HSPG2: variants seen among roughly 807,000 people sequenced by gnomAD.
The protein encoded by HSPG2 is basement membrane-specific heparan sulfate proteoglycan core protein.
In HSPG2, 278 loss-of-function variants were observed where a neutral mutation model predicts 526.6. The ratio of observed to expected loss-of-function variants is 0.53; its 90% CI spans 0.48 to 0.58. The LOEUF (loss-of-function observed/expected upper bound fraction) is 0.58, where lower values mean the gene tolerates loss of function less well. Ranked by LOEUF, HSPG2 falls within the 20% of genes least tolerant of loss-of-function variation. The pLI is 0.00. For synonymous variants in HSPG2, 2,465 were observed against 2,555.4 expected (o/e 0.96, Z 1.07); for missense variants, 5,354 against 6,099.5 (o/e 0.88, Z 4.07).
Position 21,856,064 on chromosome 1 carries a change from A to C in HSPG2, c.5576-152T>G, listed in dbSNP as rs575185864. ...CAGAGGGAGCTTGGGAAATGTCAACAGGACCTTGTGACCTCCCACCTTGAG... is the reference window on the plus strand; with the variant it reads ...CAGAGGGAGCTTGGGAAATGTCAACCGGACCTTGTGACCTCCCACCTTGAG... On this transcript the variant is annotated intron_variant, in intron 44 of 96. Coordinates refer to ENST00000374695, the MANE Select transcript of HSPG2 (RefSeq NM_005529.7). 6.4e-6 allele frequency: 7 copies of C among 1,099,226 alleles called. No homozygotes were observed. The East Asian group carries it at 1.8e-4, about 28-fold the overall frequency. 68.1% of individuals were successfully genotyped at this position (1,099,226 alleles called of 1,614,324 possible).
intron 3 of HSPG2, among the ~76,000 whole-genome samples, chr1:21,891,735 T>A (rs539121559): frequency 6.6e-6 from 1 of 152,234 alleles, no homozygotes; most frequent in Admixed American, 6.5e-5. Flanking sequence ...TGCAGCCTCC[T>A]GAGTAGCTGG....
Position 21,848,844 on chromosome 1 carries a change from T to C in HSPG2, c.7585+49A>G. ...GGTGTGGGAGCTGCTGAGGGTGCAG[T>C]CGGGGTCCCCCAGCCCTCCACCATT... On this transcript the variant is annotated intron_variant, in intron 58 of 96. Transcript: ENST00000374695. The surrounding 1 kb of genome is among the most constrained non-coding windows in gnomAD (Gnocchi z 4.9). The C allele has an allele frequency of 6.2e-7, 1 of 1,612,778 alleles. No homozygotes were observed. Among genetic ancestry groups the C allele is most frequent in the South Asian group, 1.1e-5 (1 of 91,044 alleles).
chr1:21,880,965 G>T, intron 14 of HSPG2, 130 bp from the exon 15 acceptor site: 1 of 987,642 alleles, frequency 1.0e-6, no homozygotes, highest in South Asian at 1.4e-5. Flanking sequence ...GCCAGGCACT[G>T]AGCTAGGCAC....
intron 1 of HSPG2, among the ~76,000 whole-genome samples, chr1:21,925,467 A>G (rs1191423802): frequency 2.6e-5 from 4 of 152,078 alleles, no homozygotes; most frequent in Non-Finnish European, 5.9e-5. Flanking sequence ...AACTCACTGA[A>G]CTCCCAACAG....
At chr1:21,884,299 G>A (rs896801939) in intron 13 of HSPG2, among the ~76,000 whole-genome samples, 4 of 152,156 alleles carry the variant, frequency 2.6e-5, no homozygotes, top group African/African-American at 7.2e-5. Context: ...TCCAGGGCCC[G>A]TCCTCGCCGT....
At chr1:21,844,039 C>G in intron 65 of HSPG2, 109 bp downstream of exon 65, 2 of 1,447,534 alleles carry the variant, frequency 1.4e-6, no homozygotes, top group Non-Finnish European at 1.9e-6. Context: ...CCTCCTGCTG[C>G]CATTTCCCAC....
intron 62 of HSPG2, 122 bp from the exon 63 acceptor site, chr1:21,846,721 C>T (rs200331041): frequency 9.6e-6 from 11 of 1,142,730 alleles, no homozygotes; most frequent in African/African-American, 6.1e-5. Flanking sequence ...AACACTTGGC[C>T]GGGCATGGTG....
intron 87 of HSPG2, 43 bp from the exon 88 acceptor site, chr1:21,829,122 G>A (rs992005460): frequency 2.4e-5 from 37 of 1,522,432 alleles, no homozygotes; most frequent in Non-Finnish European, 2.8e-5. Context: ...GGGGGCACAC[G>A]GGGCTCCCTG....
intron 64 of HSPG2, 63 bp downstream of exon 64, chr1:21,846,045 C>T: frequency 6.3e-7 from 1 of 1,580,118 alleles, no homozygotes; most frequent in Non-Finnish European, 8.7e-7. Context: ...GCCAGTTCTG[C>T]CCCCTGGTCT....
At chr1:21,920,757 T>C (rs965865688) in intron 1 of HSPG2, among the ~76,000 whole-genome samples, 1 of 152,144 alleles carries the variant, frequency 6.6e-6, no homozygotes, top group African/African-American at 2.4e-5. Flanking sequence ...AATAAAACAG[T>C]TCTCCCTCCT....
At chr1:21,923,463 C>T (rs1644101365) in intron 1 of HSPG2, among the ~76,000 whole-genome samples, 1 of 152,160 alleles carries the variant, frequency 6.6e-6, no homozygotes, top group South Asian at 2.1e-4. Context: ...CGCTATTTTG[C>T]ACATCCATGA....
intron 3 of HSPG2, among the ~76,000 whole-genome samples, chr1:21,894,646 G>C (rs748840414): frequency 6.0e-4 from 91 of 152,270 alleles, no homozygotes; most frequent in Non-Finnish European, 1.2e-3. Context: ...AGGTGGGCTG[G>C]CCAGGACTGC....
At chr1:21,927,803 A>C (rs751177777) in intron 1 of HSPG2, among the ~76,000 whole-genome samples, 23 of 152,358 alleles carry the variant, frequency 1.5e-4, no homozygotes, top group Non-Finnish European at 2.9e-4. Context: ...GTGACAGATC[A>C]GAGGCAGTTA....
chr1:21,879,088 T>C lies in HSPG2; in HGVS notation c.2377A>G (p.Asn793Asp). 1 of 1,614,260 alleles carries C rather than the reference T, an allele frequency of 6.2e-7. No individual in the cohort carries two copies. Among genetic ancestry groups the C allele is most frequent in the Non-Finnish European group, 8.5e-7 (1 of 1,180,048 alleles). The change falls in exon 18 of 97, where the codon AAC becomes GAC. Residue 793 changes from asparagine to aspartate, a missense_variant. Physicochemically the swap from Asn to Asp is conservative, Grantham distance 23. Transcript: ENST00000374695. ...CQHNTEGPQC[N>D]KCKAGFFGDA... ...CCAAAGAAGCCAGCCTTGCACTTGT[T>C]GCACTGTGGCCCCTCCGTGTTGTGC... is the stretch of plus-strand genomic sequence containing the variant.
chr1:21,862,521 T>G (rs534988031), intron 37 of HSPG2, among the ~76,000 whole-genome samples: 41 of 140,290 alleles, frequency 2.9e-4, no homozygotes, highest in African/African-American at 1.0e-3. Context: ...GAGGTGGAGG[T>G]TGGAGTGAGC....
At chr1:21,876,734 A>G in intron 21 of HSPG2, 82 bp from the exon 22 acceptor site, 1 of 1,582,296 alleles carries the variant, frequency 6.3e-7, no homozygotes, top group Non-Finnish European at 8.6e-7. Context: ...CTCAGTCCAG[A>G]TAAGAACCCA....
Position 21,910,739 on chromosome 1 carries a change from G to A in HSPG2, c.64-14429C>T, listed in dbSNP as rs111521243. ...TCCATAGAACCACCCAGAATGCCAG[G>A]CACACAGGTGGTTAATACCCTCGAT... is the stretch of plus-strand genomic sequence containing the variant. On this transcript the variant is annotated intron_variant, in intron 1 of 96. Coordinates refer to ENST00000374695, the MANE Select transcript of HSPG2 (RefSeq NM_005529.7). 9.2e-5 allele frequency among the ~76,000 whole-genome samples: 14 copies of A among 152,244 alleles called. 1 individual carries two copies. Among genetic ancestry groups the A allele is most frequent in the African/African-American group, 3.4e-4 (14 of 41,538 alleles).
Position 21,890,329 on chromosome 1 carries a change from G to C in HSPG2, c.413+98C>G. 9.0e-6 allele frequency: 12 copies of C among 1,340,024 alleles called. No homozygotes were observed. The highest frequency in any genetic ancestry group is 1.3e-5 in the Non-Finnish European group (12 of 933,518). 83.0% of individuals were successfully genotyped at this position (1,340,024 alleles called of 1,614,324 possible). A position where few individuals can be genotyped will look rare whatever the true frequency, so the allele number is the denominator to read the frequency against. On this transcript the variant is annotated intron_variant, in intron 5 of 96. Coordinates refer to ENST00000374695, the MANE Select transcript of HSPG2 (RefSeq NM_005529.7). The surrounding 1 kb of genome is among the most constrained non-coding windows in gnomAD (Gnocchi z 4.1). The stretch of plus-strand genomic sequence containing the variant: ...TCCACCCACAGCGACTCATCCCATA[G>C]GCCTTTCCGCGGTGCCAGGCTTCCT...
Position 21,868,754 on chromosome 1 carries a change from A to C in HSPG2, c.4222-2945T>G, listed in dbSNP as rs1640427166. On this transcript the variant is annotated intron_variant, in intron 33 of 96. Transcript: ENST00000374695. ...TCAGCTGTGCTCTGACCTGAACATGAGACCCCAGGCAAGTCTCTACCCACC... is the reference window on the plus strand; with the variant it reads ...TCAGCTGTGCTCTGACCTGAACATGCGACCCCAGGCAAGTCTCTACCCACC... The C allele has an allele frequency of 1.8e-5, 3 of 163,108 alleles. No individual in the cohort carries two copies. In the Admixed American group the frequency reaches 2.0e-4, roughly 11 times the overall value. 10.1% of individuals were successfully genotyped at this position (163,108 alleles called of 1,614,324 possible).
Sources: gnomAD v4.1 joint callset for allele counts (sites outside exome capture counted in the v4.1 genomes callset) on GRCh38, gnomAD v4.1.1 for gene constraint, Gnocchi (gnomAD v3.1) non-coding constraint, MANE v1.5 for transcripts, NCBI Gene and HGNC (gene_info 2026-07-23, HGNC 2026-07-21) for gene names.